Variants in SKOR1 observed in about 807,000 individuals in gnomAD.
The protein encoded by SKOR1 is SKI family transcriptional corepressor 1, also known as LBX1 corepressor 1.
A neutral mutation model predicts 72.4 loss-of-function variants in SKOR1; 38 were observed. That is an observed-to-expected ratio of 0.52 (90% CI 0.40 to 0.69). SKOR1 has a LOEUF of 0.69. SKOR1 is among the 30% of genes least tolerant of loss of function. The pLI, the probability that SKOR1 is intolerant of heterozygous loss-of-function variation, is 0.00. For missense variants in SKOR1, 1,320 were observed against 1,343.2 expected, an observed-to-expected ratio of 0.98 and a Z score of 0.27; for synonymous variants, 642 against 599.4, an observed-to-expected ratio of 1.07 and a Z score of -1.04.
At chr15:67,829,109 G>A in intron 2 of SKOR1, 70 bp from the exon 3 acceptor site, 1 of 1,391,748 alleles carries the variant, frequency 7.2e-7, no homozygotes, top group East Asian at 2.5e-5. Flanking sequence ...TGGCCGCGGG[G>A]TAGGGCTGGG....
At chr15:67,828,305 CT>C (rs1440933228) in intron 2 of SKOR1, among the ~76,000 whole-genome samples, 161 bp downstream of exon 2, 2 of 152,190 alleles carry the variant, frequency 1.3e-5, no homozygotes, top group African/African-American at 4.8e-5. Flanking sequence ...CGCTGCGAAA[CT>C]GGGCCCACCC....
chr15:67,829,069 A>G, intron 2 of SKOR1, 110 bp from the exon 3 acceptor site: 1 of 994,562 alleles, frequency 1.0e-6, no homozygotes, highest in Non-Finnish European at 1.4e-6. Context: ...CGGGCGCACC[A>G]ACCTTTGCCA....
At position 67,827,944 on chromosome 15, in the gene SKOR1, GA is replaced by G; in HGVS notation, c.2117del (p.Asp706AlafsTer60). The G allele has an allele frequency of 6.4e-7, 1 of 1,573,420 alleles. No homozygotes were observed. The highest frequency in any genetic ancestry group is 8.6e-7 in the Non-Finnish European group (1 of 1,161,244). On this transcript the variant is annotated frameshift_variant, in exon 2 of 9. Coordinates refer to ENST00000380035, the MANE Select transcript of SKOR1 (RefSeq NM_001365915.1). LOFTEE classifies it high-confidence loss of function. ...GPPSATSSGA[D>X]GPANSPDGGS... ...CCCTTCCGCCACCTCCTCTGGCGCG[GA>G]CGGTCCCGCAAACTCTCCCGACGGC...
Position 67,833,128 on chromosome 15 carries a change from TG to T in SKOR1, c.2738-63del. 2 of 1,579,354 alleles carry T rather than the reference TG, an allele frequency of 1.3e-6. No homozygotes were observed. The highest frequency in any genetic ancestry group is 3.4e-5 in the Admixed American group (2 of 59,416). On this transcript the variant is annotated intron_variant, in intron 7 of 8. Transcript: ENST00000380035. The surrounding 1 kb of genome is among the most constrained non-coding windows in gnomAD (Gnocchi z 6.0). ...CCTGGGGAGAGGAGGAAGCCCGGGC[TG>T]TGACCCCGGCCTTTCGGAGGGTGGT...
chr15:67,826,759 G>A lies in SKOR1; in HGVS notation c.931G>A (p.Gly311Arg). 6.5e-7 allele frequency: 1 copy of A among 1,535,824 alleles called. No homozygotes were observed. Residue 311 changes from glycine (G) to arginine (R), a missense_variant, in exon 2 of 9, where the codon GGG (glycine) becomes AGG (arginine). Gly to Arg is a moderately radical substitution (Grantham distance 125, BLOSUM62 -2). This residue lies in a region of SKOR1 where 1,099 missense variants were observed against 1,025.5 expected (regional missense o/e 1.07). Transcript: ENST00000380035. ...TGGCGGCGGTGGCGGCGGTGGCCCA[G>A]GGTGCGGTGCAGAGATGGCCCCAGG... ...GAGGGGGGGP[G>R]CGAEMAPGPP...
chr15:67,827,871 C>A lies in SKOR1; in HGVS notation c.2043C>A (p.Ser681Arg). 2 of 1,600,982 alleles carry A rather than the reference C, an allele frequency of 1.2e-6. No homozygotes were observed. Among genetic ancestry groups the A allele is most frequent in the Non-Finnish European group, 1.7e-6 (2 of 1,174,732 alleles). Residue 681 changes from serine to arginine, a missense_variant, in exon 2 of 9, where the codon AGC (serine) becomes AGA (arginine). Physicochemically the swap from Ser to Arg is moderately radical, Grantham distance 110. Transcript: ENST00000380035. ...DEDAQEETEP[S>R]APSAGGGPDG... ...ACGCCCAAGAGGAGACCGAGCCCAGCGCACCCAGCGCAGGGGGCGGCCCAG... is the reference window on the plus strand; with the variant it reads ...ACGCCCAAGAGGAGACCGAGCCCAGAGCACCCAGCGCAGGGGGCGGCCCAG...
Position 67,827,556 on chromosome 15 carries a change from C to A in SKOR1, c.1728C>A (p.Ala576=). The A allele has an allele frequency of 6.6e-7, 1 of 1,519,852 alleles. No homozygotes were observed. Among genetic ancestry groups the A allele is most frequent in the Non-Finnish European group, 8.8e-7 (1 of 1,140,972 alleles). The allele number at this position is 1,519,852 out of a possible 1,614,324, so 94.1% of individuals were successfully genotyped here. The change falls in exon 2 of 9, where the codon GCC becomes GCA. Residue 576 remains alanine (A), a synonymous_variant. Transcript: ENST00000380035. ...ACGAGGCGCTGCCACCGCCCCTGGC[C>A]CCGTTGCCCCCGCCGCCCCCGCCGC... is the stretch of plus-strand genomic sequence containing the variant. The part of the protein sequence containing the change: ...GTDEALPPPL[A]PLPPPPPPPA...
rs1422939538 is a variant in SKOR1 at position 67,827,415 on chromosome 15, C to G, written c.1587C>G (p.Gly529=). 2.0e-6 allele frequency: 3 copies of G among 1,524,316 alleles called. No homozygotes were observed. The African/African-American group carries it at 4.2e-5, about 22-fold the overall frequency. 94.4% of individuals were successfully genotyped at this position (1,524,316 alleles called of 1,614,324 possible). A position where few individuals can be genotyped will look rare whatever the true frequency, so the allele number is the denominator to read the frequency against. ...AAAAAAAAAA[G]SGAPEPLDGA... is the part of the protein sequence containing the mutation. ...CGGCGGCGGCAGCGGCAGCTGCTGG[C>G]AGCGGTGCCCCAGAGCCCCTGGACG... The change falls in exon 2 of 9, where the codon GGC becomes GGG. Residue 529 remains glycine (G), a synonymous_variant. Transcript: ENST00000380035.
chr15:67,828,198 G>T, intron 2 of SKOR1, 54 bp downstream of exon 2: 2 of 1,378,760 alleles, frequency 1.5e-6, no homozygotes, highest in Admixed American at 3.8e-5. Flanking sequence ...CCTGTGCGCG[G>T]CAGGGCTGCG....
At position 67,827,894 on chromosome 15, in the gene SKOR1, C is replaced by G; in HGVS notation, c.2066C>G (p.Pro689Arg). 1 of 1,600,104 alleles carries G rather than the reference C, an allele frequency of 6.2e-7. No homozygotes were observed. Reference sequence around the variant, plus strand: ...AGCGCACCCAGCGCAGGGGGCGGCCCAGACGGTGAACAGCCCACTGGACCC... The same window carrying G: ...AGCGCACCCAGCGCAGGGGGCGGCCGAGACGGTGAACAGCCCACTGGACCC... ...EPSAPSAGGGPDGEQPTGPPS... is the reference protein window; with the variant it reads ...EPSAPSAGGGRDGEQPTGPPS... The change falls in exon 2 of 9, where the codon CCA becomes CGA. Residue 689 changes from proline to arginine, a missense_variant. This residue lies in a region of SKOR1 where 1,099 missense variants were observed against 1,025.5 expected (regional missense o/e 1.07). Transcript: ENST00000380035.
In SKOR1 at chr15:67,834,019, C is replaced by G; in HGVS notation, c.*183C>G. The G allele has an allele frequency of 1.5e-6, 1 of 664,436 alleles. No homozygotes were observed. Among genetic ancestry groups the G allele is most frequent in the Non-Finnish European group, 2.7e-6 (1 of 377,214 alleles). The allele number at this position is 664,436 out of a possible 1,614,324, so 41.2% of individuals were successfully genotyped here. A position where few individuals can be genotyped will look rare whatever the true frequency, so the allele number is the denominator to read the frequency against. ...CCCGCCCCCTCCCGGGCGTCCCTGT[C>G]CAGGGCCCCGGCTTGGTTTCCAAGT... is the stretch of plus-strand genomic sequence containing the variant. On this transcript the variant is annotated 3_prime_UTR_variant, in exon 9 of 9. Transcript: ENST00000380035. This position sits in a 1 kb window ranked among gnomAD's most constrained non-coding sequence, Gnocchi z 5.8.
At position 67,833,189 on chromosome 15, in the gene SKOR1, C is replaced by G; in HGVS notation, c.2738-3C>G. On this transcript the variant is annotated splice_region_variant and splice_polypyrimidine_tract_variant and intron_variant, in intron 7 of 8. Coordinates refer to ENST00000380035, the MANE Select transcript of SKOR1 (RefSeq NM_001365915.1). This position sits in a 1 kb window ranked among gnomAD's most constrained non-coding sequence, Gnocchi z 6.0. ...CTCACTGGCCCCTCCCCTTGTCTTC[C>G]AGATACCCTGTGTAACGAACTCGAC... 1.2e-6 allele frequency: 2 copies of G among 1,614,074 alleles called. No individual in the cohort carries two copies. The highest frequency in any genetic ancestry group is 3.3e-4 in the Middle Eastern group (2 of 6,062).
chr15:67,832,645 C>G lies in SKOR1; in HGVS notation c.2701C>G (p.Arg901Gly), dbSNP rs920710529. The G allele has an allele frequency of 6.2e-6, 10 of 1,614,004 alleles. No individual in the cohort carries two copies. The highest frequency in any genetic ancestry group is 8.5e-6 in the Non-Finnish European group (10 of 1,180,008). ...QDQMKRELAY[R>G]EEMVQQLQIV... ...TCAAATGAAGAGGGAATTGGCTTAT[C>G]GAGAAGAAATGGTGCAACAGCTGCA... Residue 901 changes from arginine (R) to glycine (G), a missense_variant, in exon 7 of 9, where the codon CGA becomes GGA. Physicochemically the swap from Arg to Gly is moderately radical, Grantham distance 125 (BLOSUM62 -2). This residue lies in a region of SKOR1 where 1,099 missense variants were observed against 1,025.5 expected (regional missense o/e 1.07). Coordinates refer to ENST00000380035, the MANE Select transcript of SKOR1 (RefSeq NM_001365915.1). The surrounding 1 kb of genome is among the most constrained non-coding windows in gnomAD (Gnocchi z 4.5).
intron 2 of SKOR1, 56 bp from the exon 3 acceptor site, chr15:67,829,123 C>A (rs924924299): frequency 5.5e-6 from 8 of 1,467,362 alleles, no homozygotes; most frequent in Non-Finnish European, 1.8e-6. Context: ...GGCTGGGCGT[C>A]TTTGGGCCGC....
At position 67,827,571 on chromosome 15, in the gene SKOR1, G is replaced by A; in HGVS notation, c.1743G>A (p.Pro581=). Residue 581 remains proline, a synonymous_variant, in exon 2 of 9, where the codon CCG becomes CCA. Coordinates refer to ENST00000380035, the MANE Select transcript of SKOR1 (RefSeq NM_001365915.1). The stretch of plus-strand genomic sequence containing the variant: ...CGCCCCTGGCCCCGTTGCCCCCGCC[G>A]CCCCCGCCGCCCGCACGCAAAGGCT... The part of the protein sequence containing the change: ...LPPPLAPLPP[P]PPPPARKGSY... 1 of 1,512,992 alleles carries A rather than the reference G, an allele frequency of 6.6e-7. No homozygotes were observed. The highest frequency in any genetic ancestry group is 8.8e-7 in the Non-Finnish European group (1 of 1,138,122). The allele number at this position is 1,512,992 out of a possible 1,614,324, so 93.7% of individuals were successfully genotyped here.
chr15:67,829,496 A>T (rs2090991571), intron 3 of SKOR1, among the ~76,000 whole-genome samples: 1 of 152,234 alleles, frequency 6.6e-6, no homozygotes, highest in South Asian at 2.1e-4. Context: ...ACGCACACAC[A>T]TGCTGCAGTA....
rs749154646 is a variant in SKOR1 at position 67,827,142 on chromosome 15, G to T, written c.1314G>T (p.Ala438=). 14 of 1,369,722 alleles carry T rather than the reference G, an allele frequency of 1.0e-5. No individual in the cohort carries two copies. In the African/African-American group the frequency reaches 2.1e-4, roughly 21 times the overall value. The allele number at this position is 1,369,722 out of a possible 1,614,324, so 84.8% of individuals were successfully genotyped here. The change falls in exon 2 of 9, where the codon GCG becomes GCT. Residue 438 remains alanine (A), a synonymous_variant. Coordinates refer to ENST00000380035, the MANE Select transcript of SKOR1 (RefSeq NM_001365915.1). ...GGGGAGTGGG[A]GGPGASHLPP... ...GCGGCGCGGGGACAGGCGGGGGTGC[G>T]GGGGGCCCGGGAGCCAGCCACTTGC...
rs769712715 is a variant in SKOR1 at position 67,827,137 on chromosome 15, G to A, written c.1309G>A (p.Gly437Ser). The A allele has an allele frequency of 5.3e-5, 74 of 1,385,606 alleles. 1 individual carries two copies. The Admixed American group carries it at 1.1e-3, about 21-fold the overall frequency. The allele number at this position is 1,385,606 out of a possible 1,614,324, so 85.8% of individuals were successfully genotyped here. ...CGGCGGCGGCGCGGGGACAGGCGGGGGTGCGGGGGGCCCGGGAGCCAGCCA... is the reference window on the plus strand; with the variant it reads ...CGGCGGCGGCGCGGGGACAGGCGGGAGTGCGGGGGGCCCGGGAGCCAGCCA... ...SGGGGAGTGGGAGGPGASHLP... is the reference protein window; with the variant it reads ...SGGGGAGTGGSAGGPGASHLP... The change falls in exon 2 of 9, where the codon GGT becomes AGT. Residue 437 changes from glycine to serine, a missense_variant. Gly to Ser is a moderately conservative substitution (Grantham distance 56). Transcript: ENST00000380035.
At chr15:67,828,294 G>A in intron 2 of SKOR1, 150 bp downstream of exon 2, 1 of 1,322,040 alleles carries the variant, frequency 7.6e-7, no homozygotes, top group Non-Finnish European at 9.6e-7. Context: ...AGCCTTGGGC[G>A]CGCTGCGAAA....
Sources: gnomAD v4.1 joint callset for allele counts (sites outside exome capture counted in the v4.1 genomes callset) on GRCh38, gnomAD v4.1.1 for gene constraint, gnomAD v4.1.1 regional missense constraint, Gnocchi (gnomAD v3.1) non-coding constraint, MANE v1.5 for transcripts, NCBI Gene and HGNC (gene_info 2026-07-23, HGNC 2026-07-21) for gene names.